The following MYOT variants were observed in gnomAD, a reference collection of about 807,000 sequenced individuals.
The protein encoded by MYOT is 57 kDa cytoskeletal protein.
MYOT carries 36 observed loss-of-function variants against 58.0 expected under a neutral mutation model. That is an observed-to-expected ratio of 0.62 (90% confidence interval 0.48 to 0.82). The LOEUF (loss-of-function observed/expected upper bound fraction) is 0.82. Ranked by LOEUF, MYOT falls within the 40% of genes least tolerant of loss-of-function variation. The pLI is 0.00. For missense variants in MYOT, 505 were observed against 592.1 expected, an observed-to-expected ratio of 0.85 and a Z score of 1.53; for synonymous variants, 218 against 204.6, an observed-to-expected ratio of 1.07 and a Z score of -0.56.
At position 137,882,042 on chromosome 5, in the gene MYOT, T is replaced by C. The variant is rs753965813; in HGVS notation, c.753T>C (p.Arg251=). The change falls in exon 6 of 10, where the codon CGT becomes CGC. Residue 251 remains arginine (R), a synonymous_variant. Transcript: ENST00000239926. The stretch of plus-strand genomic sequence containing the variant: ...TCCAGGAGAAATTTTACCCACCACG[T>C]TTCATTCAAGTGCCAGAGAACATGT... The part of the protein sequence containing the change: ...DAIQEKFYPP[R]FIQVPENMSI... The C allele has an allele frequency of 1.1e-5, 17 of 1,614,040 alleles. No homozygotes were observed. Among genetic ancestry groups the C allele is most frequent in the Non-Finnish European group, 1.4e-5 (16 of 1,179,980 alleles).
At chr5:137,882,192 G>A in intron 6 of MYOT, 87 bp downstream of exon 6, 1 of 1,445,690 alleles carries the variant, frequency 6.9e-7, no homozygotes, top group Non-Finnish European at 9.7e-7. Flanking sequence ...TTCATAGCTT[G>A]CAAAGCAGTA....
At chr5:137,875,473 G>C (rs898911686) in intron 2 of MYOT, among the ~76,000 whole-genome samples, 11 of 151,984 alleles carry the variant, frequency 7.2e-5, no homozygotes, top group African/African-American at 2.7e-4. Flanking sequence ...ACATGCACAT[G>C]TACTCCCAGA....
intron 7 of MYOT, among the ~76,000 whole-genome samples, chr5:137,884,774 C>G (rs1304754869): frequency 6.6e-6 from 1 of 152,068 alleles, no homozygotes; most frequent in East Asian, 1.9e-4. Context: ...ATAATGGATA[C>G]TCAACCCATA....
chr5:137,877,527 CAT>C lies in MYOT; in HGVS notation c.542_543del (p.Tyr181Ter), dbSNP rs746049075. On this transcript the variant is annotated frameshift_variant, in exon 4 of 10. Coordinates refer to ENST00000239926, the MANE Select transcript of MYOT (RefSeq NM_006790.3). LOFTEE classifies it high-confidence loss of function. ...TCAATAAATTCTCTAAAGCGTCTAA[CAT>C]ATGAAGAGAAGATGGCTCGCAGATT... 6.2e-7 allele frequency: 1 copy of C among 1,609,854 alleles called. No homozygotes were observed. The highest frequency in any genetic ancestry group is 1.1e-5 in the South Asian group (1 of 90,996).
At chr5:137,878,944 G>C (rs978829734) in intron 4 of MYOT, among the ~76,000 whole-genome samples, 1 of 152,166 alleles carries the variant, frequency 6.6e-6, no homozygotes, top group Non-Finnish European at 1.5e-5. Context: ...GGGAGCCAAA[G>C]AGATTAAACC....
chr5:137,875,096 C>T (rs1429348349), intron 2 of MYOT, among the ~76,000 whole-genome samples: 2 of 152,138 alleles, frequency 1.3e-5, no homozygotes, highest in Non-Finnish European at 2.9e-5. Context: ...CCATATGAAC[C>T]AGCTCCAGAA....
chr5:137,877,191 A>G lies in MYOT; in HGVS notation c.532-329A>G, dbSNP rs892197921. Among the ~76,000 whole-genome samples the G allele has an allele frequency of 2.0e-5, 3 of 152,082 alleles. No individual in the cohort carries two copies. The East Asian group carries it at 5.8e-4, about 30-fold the overall frequency. ...AGACCATCCTGGCTGACACAGTGAA[A>G]CCCCGTCTCTACTAAAAATACAAAA... On this transcript the variant is annotated intron_variant, in intron 3 of 9. Coordinates refer to ENST00000239926, the MANE Select transcript of MYOT (RefSeq NM_006790.3).
intron 2 of MYOT, among the ~76,000 whole-genome samples, chr5:137,874,748 A>AT (rs753927728): frequency 7.2e-5 from 11 of 152,210 alleles, no homozygotes; most frequent in South Asian, 2.1e-4. Flanking sequence ...AAATCATCCC[A>AT]TTTTTTCTCT....
intron 1 of MYOT, among the ~76,000 whole-genome samples, chr5:137,868,792 C>T (rs916002319): frequency 1.4e-5 from 2 of 145,580 alleles, no homozygotes; most frequent in African/African-American, 5.7e-5. Flanking sequence ...AACTACAAAA[C>T]TACTTGCCTT....
chr5:137,877,695 T>G, intron 4 of MYOT, 74 bp downstream of exon 4: 1 of 1,074,294 alleles, frequency 9.3e-7, no homozygotes, highest in Non-Finnish European at 1.4e-6. Context: ...TAAATGCTTA[T>G]AAATAGCATC....
Position 137,883,452 on chromosome 5 carries a change from G to C in MYOT, c.885G>C (p.Leu295Phe). Residue 295 changes from leucine (L) to phenylalanine (F), a missense_variant, in exon 7 of 10, where the codon TTG becomes TTC. Coordinates refer to ENST00000239926, the MANE Select transcript of MYOT (RefSeq NM_006790.3). ...LNGRTVQSDD[L>F]HKMIVSEKGL... Reference sequence around the variant, plus strand: ...GAAGAACAGTTCAATCAGATGATTTGCACAAAATGATAGTGTCTGAGAAGG... The same window carrying C: ...GAAGAACAGTTCAATCAGATGATTTCCACAAAATGATAGTGTCTGAGAAGG... 6.2e-7 allele frequency: 1 copy of C among 1,614,084 alleles called. No homozygotes were observed. The highest frequency in any genetic ancestry group is 2.2e-5 in the East Asian group (1 of 44,868).
chr5:137,877,692 T>C, intron 4 of MYOT, 71 bp downstream of exon 4: 1 of 1,091,198 alleles, frequency 9.2e-7, no homozygotes, highest in Non-Finnish European at 1.4e-6. Flanking sequence ...TTCTAAATGC[T>C]TATAAATAGC....
At position 137,871,972 on chromosome 5, in the gene MYOT, C is replaced by T. The variant is rs545573492; in HGVS notation, c.356+965C>T. On this transcript the variant is annotated intron_variant, in intron 2 of 9. Transcript: ENST00000239926. Reference sequence around the variant, plus strand: ...AACTCTGCTAATTTCTCGCAGTCTTCTCTAGAGGCTAATTTTTCTACAAAC... The same window carrying T: ...AACTCTGCTAATTTCTCGCAGTCTTTTCTAGAGGCTAATTTTTCTACAAAC... 5.0e-4 allele frequency among the ~76,000 whole-genome samples: 76 copies of T among 152,260 alleles called. 2 individuals carry two copies. The South Asian group carries it at 5.6e-3, about 11-fold the overall frequency.
intron 5 of MYOT, among the ~76,000 whole-genome samples, chr5:137,881,277 T>C (rs1472286580): frequency 2.0e-5 from 3 of 152,258 alleles, no homozygotes; most frequent in Admixed American, 6.5e-5. Context: ...CCATTTCTAA[T>C]AGTCATCAAA....
At chr5:137,877,391 ATAG>A in intron 3 of MYOT, 126 bp from the exon 4 acceptor site, 1 of 562,252 alleles carries the variant, frequency 1.8e-6, no homozygotes, top group Non-Finnish European at 3.1e-6. Flanking sequence ...AAAAAAAAAA[ATAG>A]AATCTATCAT....
rs778510592 is a variant in MYOT at position 137,887,410 on chromosome 5, G to A, written c.*25G>A. 9 of 1,608,900 alleles carry A rather than the reference G, an allele frequency of 5.6e-6. No individual in the cohort carries two copies. The South Asian group carries it at 9.9e-5, about 18-fold the overall frequency. ...ATAACTTTACCAACATTGGAAAACA[G>A]CCAACTACACCATTAGTAATATATT... On this transcript the variant is annotated 3_prime_UTR_variant, in exon 10 of 10. Coordinates refer to ENST00000239926, the MANE Select transcript of MYOT (RefSeq NM_006790.3).
In MYOT at chr5:137,870,974, A is replaced by C. The variant is rs142416150; in HGVS notation, c.323A>C (p.Asn108Thr). 250 of 1,614,012 alleles carry C rather than the reference A, an allele frequency of 1.5e-4. No homozygotes were observed. The highest frequency in any genetic ancestry group is 2.8e-5 in the Non-Finnish European group (33 of 1,179,994). ...ATATTACCATCACAGCCTGATTACA[A>C]TAGCAGTAAAATCCCTTCCGCTATG... ...SSILPSQPDYNSSKIPSAMDS... is the reference protein window; with the variant it reads ...SSILPSQPDYTSSKIPSAMDS... Residue 108 changes from asparagine to threonine, a missense_variant, in exon 2 of 10, where the codon AAT becomes ACT. Asn to Thr is a moderately conservative substitution (Grantham distance 65). Coordinates refer to ENST00000239926, the MANE Select transcript of MYOT (RefSeq NM_006790.3).
At chr5:137,875,656 GA>G (rs907781835) in intron 2 of MYOT, among the ~76,000 whole-genome samples, 172 bp from the exon 3 acceptor site, 14 of 145,410 alleles carry the variant, frequency 9.6e-5, no homozygotes, top group Non-Finnish European at 1.4e-4. Context: ...TTGCCAAAAG[GA>G]AAAAAAAAAG....
In MYOT at chr5:137,883,418, A is replaced by T; in HGVS notation, c.851A>T (p.Tyr284Phe). 2 of 1,614,092 alleles carry T rather than the reference A, an allele frequency of 1.2e-6. No individual in the cohort carries two copies. The highest frequency in any genetic ancestry group is 1.7e-6 in the Non-Finnish European group (2 of 1,180,006). The change falls in exon 7 of 10, where the codon TAT becomes TTT. Residue 284 changes from tyrosine (Y) to phenylalanine (F), a missense_variant. Coordinates refer to ENST00000239926, the MANE Select transcript of MYOT (RefSeq NM_006790.3). ...SGLPAPDVSW[Y>F]LNGRTVQSDD... ...CTGCCAGCTCCTGATGTGTCATGGT[A>T]TCTAAATGGAAGAACAGTTCAATCA...
Sources: allele counts gnomAD v4.1 joint callset (sites outside exome capture counted in the v4.1 genomes callset), GRCh38; gene constraint gnomAD v4.1.1; transcripts MANE v1.5; gene names NCBI Gene and HGNC (gene_info 2026-07-23, HGNC 2026-07-21).